Variants in DTNB observed in about 807,000 individuals in gnomAD.
DTNB encodes DTN-B.
DTNB carries 63 observed loss-of-function variants against 90.7 expected under a neutral mutation model. The observed-to-expected ratio is 0.69, with a 90% CI of 0.57 to 0.86. DTNB has a LOEUF of 0.86. DTNB is among the 40% of genes least tolerant of loss of function. The pLI is 0.00. For missense variants in DTNB, 744 were observed against 807.1 expected (o/e 0.92, Z 0.95); for synonymous variants, 277 against 286.7 (o/e 0.97, Z 0.34).
chr2:25,415,264 T>TTTTG (rs2047614027), intron 16 of DTNB, among the ~76,000 whole-genome samples: 1 of 140,680 alleles, frequency 7.1e-6, no homozygotes, highest in Non-Finnish European at 1.6e-5. Flanking sequence ...TTTTTTTTTT[T>TTTTG]GAGACAGAGT....
At chr2:25,524,027 G>A (rs1487688604) in intron 9 of DTNB, among the ~76,000 whole-genome samples, 2 of 150,372 alleles carry the variant, frequency 1.3e-5, no homozygotes, top group Non-Finnish European at 3.0e-5. Flanking sequence ...TCAGCCTCCC[G>A]AGTAGCTGGG....
intron 10 of DTNB, among the ~76,000 whole-genome samples, chr2:25,462,735 G>C (rs904755158): frequency 6.7e-6 from 1 of 148,930 alleles, no homozygotes; most frequent in African/African-American, 2.5e-5. Flanking sequence ...ACGGAGTCTC[G>C]CTCTGTCGCC....
intron 10 of DTNB, among the ~76,000 whole-genome samples, chr2:25,474,618 C>T (rs1223062995): frequency 6.6e-6 from 1 of 152,088 alleles, no homozygotes; most frequent in Admixed American, 6.5e-5. Context: ...AACTCTTTAC[C>T]TTGTCACCCA....
intron 9 of DTNB, among the ~76,000 whole-genome samples, chr2:25,519,146 T>C (rs1480569213): frequency 6.6e-6 from 1 of 152,070 alleles, no homozygotes; most frequent in Non-Finnish European, 1.5e-5. Context: ...GAGGACTTCT[T>C]GAGGCCAGGA....
intron 9 of DTNB, among the ~76,000 whole-genome samples, chr2:25,492,099 C>G (rs1381673822): frequency 6.6e-6 from 1 of 151,974 alleles, no homozygotes; most frequent in Non-Finnish European, 1.5e-5. Context: ...ATAAAAAAAG[C>G]CAACAGCATG....
chr2:25,538,430 CAA>C (rs1192240206), intron 8 of DTNB, among the ~76,000 whole-genome samples: 1 of 151,992 alleles, frequency 6.6e-6, no homozygotes, highest in Non-Finnish European at 1.5e-5. Context: ...ATACACACAC[CAA>C]AGAGTATAAA....
intron 8 of DTNB, among the ~76,000 whole-genome samples, chr2:25,555,635 T>C (rs1309895468): frequency 6.6e-6 from 1 of 152,190 alleles, no homozygotes; most frequent in African/African-American, 2.4e-5. Flanking sequence ...TCATTATATA[T>C]ACTGCTATGT....
intron 12 of DTNB, among the ~76,000 whole-genome samples, chr2:25,447,932 G>C (rs1159540953): frequency 1.3e-5 from 2 of 152,124 alleles, no homozygotes; most frequent in Non-Finnish European, 2.9e-5. Context: ...ACAAATTCCT[G>C]ACAATTGACA....
chr2:25,543,252 C>G (rs2081670492), intron 8 of DTNB, among the ~76,000 whole-genome samples: 1 of 150,590 alleles, frequency 6.6e-6, no homozygotes, highest in African/African-American at 2.4e-5. Context: ...TCTCTGTGTC[C>G]TTATTTTTTG....
chr2:25,513,151 G>A (rs751932463), intron 9 of DTNB, among the ~76,000 whole-genome samples: 16 of 152,294 alleles, frequency 1.1e-4, no homozygotes, highest in East Asian at 5.8e-4. Flanking sequence ...GCAAAGGTGC[G>A]GAGAAATATT....
intron 9 of DTNB, among the ~76,000 whole-genome samples, chr2:25,513,746 A>C (rs1420549223): frequency 1.3e-5 from 2 of 148,602 alleles, no homozygotes; most frequent in Non-Finnish European, 3.0e-5. Flanking sequence ...ACAAAACAAA[A>C]CAACCAAAAA....
intron 9 of DTNB, among the ~76,000 whole-genome samples, chr2:25,521,363 G>A (rs1294832471): frequency 1.3e-5 from 2 of 151,352 alleles, no homozygotes; most frequent in African/African-American, 4.9e-5. Flanking sequence ...ATAAAAATGA[G>A]TGAGTATGGC....
At chr2:25,484,543 C>T (rs1326534163) in intron 9 of DTNB, among the ~76,000 whole-genome samples, 1 of 152,192 alleles carries the variant, frequency 6.6e-6, no homozygotes, top group African/African-American at 2.4e-5. Context: ...CTCCATCTAT[C>T]TATGCACTTT....
In DTNB at chr2:25,451,616, G is replaced by A. The variant is rs373229134; in HGVS notation, c.1189C>T (p.Arg397Ter). 3.4e-5 allele frequency: 55 copies of A among 1,602,056 alleles called. No homozygotes were observed. The highest frequency in any genetic ancestry group is 4.5e-5 in the Non-Finnish European group (53 of 1,174,176). The change falls in exon 12 of 21, where the codon CGA becomes TGA. Residue 397 changes from arginine to a stop codon, truncating the protein, a stop_gained. Coordinates refer to ENST00000406818, the MANE Select transcript of DTNB (RefSeq NM_021907.5). LOFTEE classifies it high-confidence loss of function. ...ATAAGACGGTGTTCCTCATCCAGTC[G>A]GCTAGGACTGTCCAGAACACTGCCA... is the stretch of plus-strand genomic sequence containing the variant. ...HCARVLDSPS[R>*]LDEEHRLIAR...
intron 9 of DTNB, among the ~76,000 whole-genome samples, chr2:25,493,605 A>G (rs763698394): frequency 1.1e-4 from 17 of 152,156 alleles, no homozygotes; most frequent in Non-Finnish European, 1.2e-4. Context: ...AAGTTACACA[A>G]TTTCTCACTT....
intron 8 of DTNB, among the ~76,000 whole-genome samples, chr2:25,574,986 A>G (rs1225399475): frequency 6.6e-6 from 1 of 152,208 alleles, no homozygotes; most frequent in African/African-American, 2.4e-5. Flanking sequence ...TCAAGAGTAG[A>G]TGAAAACATG....
chr2:25,430,363 A>T (rs2053450695), intron 14 of DTNB, among the ~76,000 whole-genome samples: 1 of 152,148 alleles, frequency 6.6e-6, no homozygotes, highest in South Asian at 2.1e-4. Flanking sequence ...GGATCTACTC[A>T]TTCAATGTTC....
intron 16 of DTNB, among the ~76,000 whole-genome samples, chr2:25,396,489 C>T (rs2042388377): frequency 6.8e-6 from 1 of 147,192 alleles, no homozygotes; most frequent in Admixed American, 6.9e-5. Context: ...CCAGCCTAGG[C>T]AACAGAGCAA....
chr2:25,650,625 T>TCCTAAGTGGG (rs2080695285), intron 2 of DTNB, among the ~76,000 whole-genome samples: 1 of 152,120 alleles, frequency 6.6e-6, no homozygotes, highest in Non-Finnish European at 1.5e-5. Context: ...TCTTTCCCAT[T>TCCTAAGTGGG]AAAGTGATGA....
Sources: gnomAD v4.1 joint callset for allele counts (sites outside exome capture counted in the v4.1 genomes callset) on GRCh38, gnomAD v4.1.1 for gene constraint, MANE v1.5 for transcripts, NCBI Gene and HGNC (gene_info 2026-07-23, HGNC 2026-07-21) for gene names.